TRAK1: variants seen among roughly 807,000 people sequenced by gnomAD.
TRAK1 encodes the protein trafficking kinesin-binding protein 1.
TRAK1 carries 33 observed loss-of-function variants against 92.1 expected under a neutral mutation model. The observed-to-expected ratio is 0.36, with a 90% confidence interval of 0.27 to 0.48. The LOEUF (loss-of-function observed/expected upper bound fraction) is 0.48. Among genes scored for constraint, TRAK1 ranks in the 20% least tolerant of loss-of-function variants. The pLI is 0.99. For missense variants in TRAK1, 1,123 were observed against 1,257.9 expected (o/e 0.89, Z 1.62); for synonymous variants, 521 against 517.3 (o/e 1.01, Z -0.10).
intron 1 of TRAK1, among the ~76,000 whole-genome samples, chr3:42,060,844 T>C (rs1703406216): frequency 6.6e-6 from 1 of 152,140 alleles, no homozygotes; most frequent in South Asian, 2.1e-4. Context: ...TTGGCCAGGC[T>C]GGTCTCGAAC....
At chr3:42,144,026 A>G (rs1699022173) in intron 2 of TRAK1, among the ~76,000 whole-genome samples, 1 of 152,126 alleles carries the variant, frequency 6.6e-6, no homozygotes, top group African/African-American at 2.4e-5. Flanking sequence ...AGTGAATTGG[A>G]TATGTGCAGC....
At chr3:42,197,816 G>A (rs756940559) in intron 10 of TRAK1, among the ~76,000 whole-genome samples, 14 of 152,202 alleles carry the variant, frequency 9.2e-5, no homozygotes, top group African/African-American at 2.7e-4. Context: ...CCTCCAGACC[G>A]GAGCATCCGC....
At chr3:42,150,577 G>T (rs535478614) in intron 2 of TRAK1, among the ~76,000 whole-genome samples, 8 of 152,076 alleles carry the variant, frequency 5.3e-5, no homozygotes, top group Admixed American at 5.2e-4. Context: ...TAATTGAGTC[G>T]GGAGTTTCAG....
At chr3:42,102,867 A>C (rs201699809) in intron 1 of TRAK1, among the ~76,000 whole-genome samples, 3 of 29,596 alleles carry the variant, frequency 1.0e-4, no homozygotes, top group Non-Finnish European at 2.6e-4. Context: ...TCTGCCTAGG[A>C]AGAGTTCTCT....
chr3:42,223,479 G>A lies in TRAK1; in HGVS notation c.2604G>A (p.Glu868=), dbSNP rs780510376. Residue 868 remains glutamate (E), a synonymous_variant, in exon 16 of 16, where the codon GAG becomes GAA. Coordinates refer to ENST00000327628, the MANE Select transcript of TRAK1 (RefSeq NM_001042646.3). This position sits in a 1 kb window ranked among gnomAD's most constrained non-coding sequence, Gnocchi z 6.1. ...GAGCCCATGTCCCCACCTTGACTGA[G>A]GAGCAGGGACCCCTCCTCTGTGGGC... ...SGRAHVPTLT[E]EQGPLLCGPP... 8 of 1,613,696 alleles carry A rather than the reference G, an allele frequency of 5.0e-6. No individual in the cohort carries two copies. Among genetic ancestry groups the A allele is most frequent in the South Asian group, 3.3e-5 (3 of 91,074 alleles).
chr3:42,091,701 G>A, intron 1 of TRAK1, 141 bp downstream of exon 1: 1 of 762,170 alleles, frequency 1.3e-6, no homozygotes, highest in Non-Finnish European at 2.0e-6. Context: ...TAGAGAAATT[G>A]CCATGTTGAA....
intron 1 of TRAK1, among the ~76,000 whole-genome samples, chr3:42,094,668 G>A (rs1298154795): frequency 2.6e-5 from 4 of 152,124 alleles, no homozygotes; most frequent in African/African-American, 9.7e-5. Context: ...CCCAGTGCCC[G>A]GCAAAGGTGT....
intron 1 of TRAK1, among the ~76,000 whole-genome samples, chr3:42,069,320 C>CAAAGAA (rs534331120): frequency 2.2e-5 from 3 of 137,296 alleles, no homozygotes; most frequent in African/African-American, 8.1e-5. Context: ...GACCCTGTCT[C>CAAAGAA]AAAAAAAAAA....
chr3:42,176,233 A>G (rs1171696430), intron 2 of TRAK1, among the ~76,000 whole-genome samples: 1 of 152,208 alleles, frequency 6.6e-6, no homozygotes, highest in African/African-American at 2.4e-5. Flanking sequence ...TGTATATTTA[A>G]AAAATAACAA....
intron 2 of TRAK1, among the ~76,000 whole-genome samples, chr3:42,167,529 G>A (rs572843154): frequency 1.3e-5 from 2 of 152,296 alleles, no homozygotes; most frequent in African/African-American, 4.8e-5. Context: ...CCCTCACCCC[G>A]TTCCAGTGGC....
upstream of TRAK1, among the ~76,000 whole-genome samples, chr3:42,082,674 A>C (rs1704494409): frequency 6.6e-6 from 1 of 152,098 alleles, no homozygotes; most frequent in African/African-American, 2.4e-5. Context: ...AAAACACAAA[A>C]AACCAAAATC....
At chr3:42,144,085 A>G (rs2149231848) in intron 2 of TRAK1, among the ~76,000 whole-genome samples, 1 of 152,234 alleles carries the variant, frequency 6.6e-6, no homozygotes, top group Admixed American at 6.5e-5. Context: ...CACTGTTTAG[A>G]AATGGTGCCT....
At chr3:42,162,673 G>C (rs984807825) in intron 2 of TRAK1, among the ~76,000 whole-genome samples, 1 of 152,188 alleles carries the variant, frequency 6.6e-6, no homozygotes, top group Admixed American at 6.5e-5. Flanking sequence ...TAGGGGTCTG[G>C]TGGAGGGTGA....
At chr3:42,024,114 C>T (rs749440699) in intron 1 of TRAK1, among the ~76,000 whole-genome samples, 2 of 151,940 alleles carry the variant, frequency 1.3e-5, no homozygotes, top group East Asian at 1.9e-4. Flanking sequence ...CCTGACACTT[C>T]GAAGAGGGAT....
intron 2 of TRAK1, among the ~76,000 whole-genome samples, chr3:42,162,499 C>A (rs997383006): frequency 3.3e-5 from 5 of 151,878 alleles, no homozygotes; most frequent in Non-Finnish European, 5.9e-5. Context: ...GCTTGAGACA[C>A]CATAGATAAT....
At chr3:42,201,778 G>A (rs1471156015) in intron 12 of TRAK1, among the ~76,000 whole-genome samples, 1 of 151,846 alleles carries the variant, frequency 6.6e-6, no homozygotes, top group Non-Finnish European at 1.5e-5. Flanking sequence ...TGGGGTGCAG[G>A]GGGGCCAAGG....
chr3:42,210,040 G>A (rs767475833), intron 14 of TRAK1, 55 bp downstream of exon 14: 13 of 1,613,950 alleles, frequency 8.1e-6, no homozygotes, highest in African/African-American at 5.3e-5. Context: ...TACCCGAGCC[G>A]GCCTCAGGCT....
chr3:42,213,635 G>A (rs571111819), intron 14 of TRAK1, among the ~76,000 whole-genome samples: 1 of 152,352 alleles, frequency 6.6e-6, no homozygotes, highest in East Asian at 1.9e-4. Context: ...CTAGAGCAAA[G>A]CTCAGCCAGC....
chr3:42,120,604 G>A (rs1247925858), intron 1 of TRAK1, among the ~76,000 whole-genome samples: 3 of 152,038 alleles, frequency 2.0e-5, no homozygotes, highest in African/African-American at 7.2e-5. Flanking sequence ...GTGCAGTGGT[G>A]TGATCTCAGC....
Sources: allele counts gnomAD v4.1 joint callset (sites outside exome capture counted in the v4.1 genomes callset), GRCh38; gene constraint gnomAD v4.1.1; non-coding constraint Gnocchi (gnomAD v3.1); transcripts MANE v1.5; gene names NCBI Gene and HGNC (gene_info 2026-07-23, HGNC 2026-07-21).